MYCBP2: variants seen among roughly 807,000 people sequenced by gnomAD.
The protein encoded by MYCBP2 is MYC binding protein 2.
In MYCBP2, 120 loss-of-function variants were observed where a neutral mutation model predicts 525.3. That is an observed-to-expected ratio of 0.23 (90% CI 0.20 to 0.27). The LOEUF is 0.27. Ranked by LOEUF, MYCBP2 falls within the 10% of genes least tolerant of loss-of-function variation. The pLI is 1.00. For synonymous variants in MYCBP2, 1,894 were observed against 1,955.8 expected, an observed-to-expected ratio of 0.97 and a Z score of 0.83; for missense variants, 4,149 against 5,657.1, an observed-to-expected ratio of 0.73 and a Z score of 8.55.
intron 48 of MYCBP2, among the ~76,000 whole-genome samples, chr13:77,145,485 C>T (rs2055382222): frequency 6.6e-6 from 1 of 152,058 alleles, no homozygotes; most frequent in South Asian, 2.1e-4. Flanking sequence ...GACAACCATT[C>T]CTCAGTTTTA....
chr13:77,251,025 C>T (rs2071118036), intron 15 of MYCBP2, 126 bp downstream of exon 15: 1 of 657,434 alleles, frequency 1.5e-6, no homozygotes. Flanking sequence ...GGCCTTTTGG[C>T]TAAGATCAAG....
At chr13:77,156,646 C>G (rs1389476108) in intron 45 of MYCBP2, among the ~76,000 whole-genome samples, 1 of 152,202 alleles carries the variant, frequency 6.6e-6, no homozygotes, top group Admixed American at 6.5e-5. Context: ...ACTTGCCTGA[C>G]AGCAGCCAGG....
rs570885418 is a variant in MYCBP2 at position 77,161,933 on chromosome 13, A to C, written c.6570T>G (p.Leu2190=). 478 of 1,608,488 alleles carry C rather than the reference A, an allele frequency of 3.0e-4. 2 individuals are homozygous for C. The South Asian group carries it at 4.7e-3, about 16-fold the overall frequency. The change falls in exon 44 of 83, where the codon CTT becomes CTG. Residue 2190 remains leucine (L), a synonymous_variant. Coordinates refer to ENST00000544440, the MANE Select transcript of MYCBP2 (RefSeq NM_015057.5). Reference sequence around the variant, plus strand: ...GCAATGCAGCCTCCTCAAGAATTTCAAGGTCTTCTTCTAATTCATTACCTG... The same window carrying C: ...GCAATGCAGCCTCCTCAAGAATTTCCAGGTCTTCTTCTAATTCATTACCTG... The part of the protein sequence containing the change: ...LPIGNELEED[L]EILEEAALQV...
intron 32 of MYCBP2, among the ~76,000 whole-genome samples, chr13:77,183,453 A>C (rs1397470231): frequency 3.3e-5 from 5 of 151,558 alleles, no homozygotes; most frequent in Non-Finnish European, 7.4e-5. Context: ...AGTTTTGATA[A>C]AATTATATTT....
At chr13:77,187,585 C>T (rs573800827) in intron 30 of MYCBP2, among the ~76,000 whole-genome samples, 38 of 152,120 alleles carry the variant, frequency 2.5e-4, no homozygotes, top group Non-Finnish European at 5.3e-4. Context: ...GGTACGCAAA[C>T]GGAGAAGACT....
intron 2 of MYCBP2, among the ~76,000 whole-genome samples, chr13:77,293,447 G>C (rs2154363295): frequency 6.6e-6 from 1 of 152,258 alleles, no homozygotes; most frequent in South Asian, 2.1e-4. Context: ...ACACAAGATT[G>C]AGTTTTGTCA....
At chr13:77,220,927 G>A (rs539083021) in intron 20 of MYCBP2, among the ~76,000 whole-genome samples, 15 of 152,286 alleles carry the variant, frequency 9.8e-5, no homozygotes, top group Admixed American at 7.2e-4. Flanking sequence ...CATGTAATCA[G>A]TCTTTCAGTT....
At chr13:77,231,223 C>A (rs2067090752) in intron 18 of MYCBP2, among the ~76,000 whole-genome samples, 1 of 152,140 alleles carries the variant, frequency 6.6e-6, no homozygotes, top group Admixed American at 6.5e-5. Context: ...TACAAGTATA[C>A]AAAGAAACTT....
intron 52 of MYCBP2, among the ~76,000 whole-genome samples, chr13:77,131,487 AACACAC>A (rs369448891): frequency 1.5e-5 from 2 of 136,126 alleles, no homozygotes; most frequent in African/African-American, 5.4e-5. Flanking sequence ...CTTCATCTCA[AACACAC>A]ACACACACAC....
At chr13:77,078,213 T>G (rs1357314027) in intron 66 of MYCBP2, among the ~76,000 whole-genome samples, 2 of 152,218 alleles carry the variant, frequency 1.3e-5, no homozygotes, top group Non-Finnish European at 2.9e-5. Context: ...TCCAAAATCT[T>G]AATTGATTCC....
At chr13:77,266,123 T>C (rs775075925) in intron 8 of MYCBP2, among the ~76,000 whole-genome samples, 4 of 152,214 alleles carry the variant, frequency 2.6e-5, no homozygotes, top group Admixed American at 6.5e-5. Context: ...TATTTTCAAA[T>C]TGTCTTATCA....
chr13:77,186,079 A>G lies in MYCBP2; in HGVS notation c.4252-16T>C. ...CAAAACATTCCTAATCCAGAATATGAAAAAACAGACAACAATTAATTCAAA... is the reference window on the plus strand; with the variant it reads ...CAAAACATTCCTAATCCAGAATATGGAAAAACAGACAACAATTAATTCAAA... On this transcript the variant is annotated splice_polypyrimidine_tract_variant and intron_variant, in intron 30 of 82. Transcript: ENST00000544440. 1 of 1,526,236 alleles carries G rather than the reference A, an allele frequency of 6.6e-7. No homozygotes were observed. Among genetic ancestry groups the G allele is most frequent in the Non-Finnish European group, 8.8e-7 (1 of 1,134,002 alleles). 94.5% of individuals were successfully genotyped at this position (1,526,236 alleles called of 1,614,324 possible). A position where few individuals can be genotyped will look rare whatever the true frequency, so the allele number is the denominator to read the frequency against.
chr13:77,170,859 G>A (rs2059071713), intron 38 of MYCBP2, among the ~76,000 whole-genome samples: 1 of 152,090 alleles, frequency 6.6e-6, no homozygotes, highest in Non-Finnish European at 1.5e-5. Flanking sequence ...ACAGGCATGA[G>A]CCACCATGTC....
rs762960584 is a variant in MYCBP2 at position 77,077,366 on chromosome 13, T to C, written c.11506A>G (p.Ile3836Val). 1.9e-6 allele frequency: 3 copies of C among 1,614,012 alleles called. No homozygotes were observed. Among genetic ancestry groups the C allele is most frequent in the Non-Finnish European group, 2.5e-6 (3 of 1,179,916 alleles). ...IKQVDLDSRHIGWVTSELPGG... is the reference protein window; with the variant it reads ...IKQVDLDSRHVGWVTSELPGG... ...GGAAGTTCACTTGTTACCCAGCCAA[T>C]GTGCCTGGAATCCAGATCAACCTGG... Residue 3836 changes from isoleucine to valine, a missense_variant, in exon 67 of 83, where the codon ATT (isoleucine) becomes GTT (valine). By Grantham distance (29) the Ile-to-Val change is conservative. Coordinates refer to ENST00000544440, the MANE Select transcript of MYCBP2 (RefSeq NM_015057.5).
chr13:77,292,634 AG>A (rs1238462388), intron 2 of MYCBP2, among the ~76,000 whole-genome samples: 3 of 152,132 alleles, frequency 2.0e-5, no homozygotes, highest in Non-Finnish European at 4.4e-5. Flanking sequence ...GTCTACAGCC[AG>A]GGTTATAGGG....
intron 32 of MYCBP2, among the ~76,000 whole-genome samples, chr13:77,183,907 A>T (rs766115561): frequency 1.7e-4 from 26 of 152,016 alleles, no homozygotes; most frequent in Non-Finnish European, 1.5e-5. Context: ...CTTCTCTCCC[A>T]GTCAGGTTTG....
chr13:77,205,662 A>C (rs1228514640), intron 24 of MYCBP2, 64 bp from the exon 25 acceptor site: 1 of 1,388,162 alleles, frequency 7.2e-7, no homozygotes, highest in Non-Finnish European at 9.9e-7. Context: ...TATTGATGAC[A>C]TTAAATGCTA....
chr13:77,158,206 G>A lies in MYCBP2; in HGVS notation c.6598-97C>T, dbSNP rs150390066. On this transcript the variant is annotated intron_variant, in intron 44 of 82. Coordinates refer to ENST00000544440, the MANE Select transcript of MYCBP2 (RefSeq NM_015057.5). The stretch of plus-strand genomic sequence containing the variant: ...CAGATACTTTCAGATAGGCCTTTAC[G>A]GAGAAATCATTTTCTCCACGTACCC... 5.3e-4 allele frequency: 357 copies of A among 671,790 alleles called. 3 individuals are homozygous for A. In the African/African-American group the frequency reaches 5.7e-3, roughly 11 times the overall value. The allele number at this position is 671,790 out of a possible 1,614,324, so 41.6% of individuals were successfully genotyped here.
intron 17 of MYCBP2, among the ~76,000 whole-genome samples, chr13:77,238,945 A>C (rs2068393982): frequency 1.3e-5 from 2 of 152,116 alleles, no homozygotes; most frequent in Admixed American, 6.5e-5. Flanking sequence ...ACATGGTGAA[A>C]CCCCATCTCT....
Sources: allele counts gnomAD v4.1 joint callset (sites outside exome capture counted in the v4.1 genomes callset), GRCh38; gene constraint gnomAD v4.1.1; transcripts MANE v1.5; gene names NCBI Gene and HGNC (gene_info 2026-07-23, HGNC 2026-07-21).